The following KLHL32 variants were observed in gnomAD, a reference collection of about 807,000 sequenced individuals.
The protein encoded by KLHL32 is kelch-like protein 32.
In KLHL32, 35 loss-of-function variants were observed where a neutral mutation model predicts 64.8. The observed-to-expected ratio is 0.54, with a 90% CI of 0.41 to 0.72. KLHL32 has a LOEUF of 0.72. Ranked by LOEUF, KLHL32 falls within the 30% of genes least tolerant of loss-of-function variation. The pLI is 0.00. For missense variants in KLHL32, 589 were observed against 768.5 expected (o/e 0.77, Z 2.76); for synonymous variants, 259 against 281.0 (o/e 0.92, Z 0.78).
At chr6:96,929,297 T>C (rs764622223) in intron 1 of KLHL32, among the ~76,000 whole-genome samples, 2 of 152,218 alleles carry the variant, frequency 1.3e-5, no homozygotes, top group Non-Finnish European at 2.9e-5. Context: ...TCTTCACAGA[T>C]ATATTTGGCA....
chr6:97,085,017 T>C, intron 5 of KLHL32, 109 bp from the exon 6 acceptor site: 1 of 825,556 alleles, frequency 1.2e-6, no homozygotes, highest in East Asian at 2.6e-5. Flanking sequence ...CTCCCATTTC[T>C]CCCACCACTG....
At chr6:96,899,687 C>T in the KLHL32 span, among the ~76,000 whole-genome samples, 3 of 152,210 alleles carry the variant, frequency 2.0e-5, no homozygotes, top group African/African-American at 7.2e-5. Flanking sequence ...TCACAATTGG[C>T]TGTCACCCTT....
chr6:97,109,951 T>G (rs962038450), intron 6 of KLHL32, among the ~76,000 whole-genome samples: 1 of 152,234 alleles, frequency 6.6e-6, no homozygotes, highest in Non-Finnish European at 1.5e-5. Context: ...GAAATGACCT[T>G]GAGCTGGATG....
At chr6:97,018,161 T>C (rs1401158776) in intron 3 of KLHL32, among the ~76,000 whole-genome samples, 1 of 152,098 alleles carries the variant, frequency 6.6e-6, no homozygotes, top group Non-Finnish European at 1.5e-5. Context: ...CGAAACTTTT[T>C]TCAATGCTAC....
chr6:96,988,113 T>A (rs1328449866), intron 3 of KLHL32, among the ~76,000 whole-genome samples: 1 of 152,040 alleles, frequency 6.6e-6, no homozygotes, highest in Non-Finnish European at 1.5e-5. Context: ...GGGATCTAAT[T>A]AAACTAAAGA....
intron 5 of KLHL32, among the ~76,000 whole-genome samples, chr6:97,065,055 G>A (rs1383817422): frequency 2.6e-5 from 4 of 152,142 alleles, no homozygotes; most frequent in African/African-American, 9.7e-5. Context: ...CTAGTCCGAA[G>A]CAATATTGTC....
chr6:97,037,547 G>A (rs1038369297), intron 3 of KLHL32, among the ~76,000 whole-genome samples: 9 of 152,058 alleles, frequency 5.9e-5, no homozygotes, highest in Non-Finnish European at 1.3e-4. Flanking sequence ...CAAAAAAAGG[G>A]AAAGATACTC....
intron 6 of KLHL32, among the ~76,000 whole-genome samples, chr6:97,093,650 C>T (rs1318206735): frequency 6.6e-6 from 1 of 151,100 alleles, no homozygotes; most frequent in African/African-American, 2.5e-5. Context: ...AAAAATGTCT[C>T]CAATAAAGTC....
chr6:96,965,789 A>G (rs1055228831), intron 1 of KLHL32, among the ~76,000 whole-genome samples: 1 of 152,240 alleles, frequency 6.6e-6, no homozygotes, highest in African/African-American at 2.4e-5. Flanking sequence ...GAGCAATTAA[A>G]AAATGACACT....
intron 6 of KLHL32, among the ~76,000 whole-genome samples, chr6:97,095,956 A>G (rs1447586190): frequency 1.3e-5 from 2 of 152,184 alleles, no homozygotes; most frequent in African/African-American, 2.4e-5. Context: ...ATGTAGGTAG[A>G]ACGACATGAA....
chr6:97,010,243 G>GAAA (rs1780215053), intron 3 of KLHL32: 1 of 82,822 alleles, frequency 1.2e-5, no homozygotes. Context: ...TAGAAGCAAT[G>GAAA]GATCAGCAGA....
At chr6:97,134,800 C>T (rs1280203971) in intron 10 of KLHL32, among the ~76,000 whole-genome samples, 1 of 152,056 alleles carries the variant, frequency 6.6e-6, no homozygotes, top group Non-Finnish European at 1.5e-5. Flanking sequence ...ACATTTTTTC[C>T]ACATCTCATA....
intron 6 of KLHL32, among the ~76,000 whole-genome samples, chr6:97,112,949 T>C (rs2128209325): frequency 6.6e-6 from 1 of 151,762 alleles, no homozygotes; most frequent in African/African-American, 2.4e-5. Context: ...TAAGAAATTC[T>C]CTTTGCTCAT....
At chr6:96,923,861 C>T (rs1768848601), upstream of KLHL32, among the ~76,000 whole-genome samples, 2 of 152,298 alleles carry the variant, frequency 1.3e-5, no homozygotes, top group Non-Finnish European at 2.9e-5. Flanking sequence ...GGAATACTTA[C>T]CTATTAAAAT....
At chr6:97,093,930 A>G (rs1794611771) in intron 6 of KLHL32, among the ~76,000 whole-genome samples, 1 of 152,218 alleles carries the variant, frequency 6.6e-6, no homozygotes, top group Admixed American at 6.5e-5. Context: ...ACTGTGTGGG[A>G]AAAAGTCTGT....
intron 4 of KLHL32, among the ~76,000 whole-genome samples, chr6:97,041,939 T>C (rs1396211255): frequency 6.6e-6 from 1 of 152,190 alleles, no homozygotes; most frequent in Non-Finnish European, 1.5e-5. Context: ...ATCATGGCTT[T>C]ATTGCCTTAA....
chr6:97,019,582 G>T (rs1412563258), intron 3 of KLHL32, among the ~76,000 whole-genome samples: 1 of 152,184 alleles, frequency 6.6e-6, no homozygotes, highest in Non-Finnish European at 1.5e-5. Context: ...TCTGCCCACA[G>T]TTCTCTCAGC....
chr6:97,090,027 G>A (rs1195545606), intron 6 of KLHL32, among the ~76,000 whole-genome samples: 1 of 151,996 alleles, frequency 6.6e-6, no homozygotes, highest in Non-Finnish European at 1.5e-5. Context: ...GTGTGGCAAA[G>A]AGGGACCATG....
intron 6 of KLHL32, among the ~76,000 whole-genome samples, chr6:97,111,076 G>A (rs1797069877): frequency 1.3e-5 from 2 of 152,174 alleles, no homozygotes; most frequent in Admixed American, 6.5e-5. Flanking sequence ...CTGGGACTGG[G>A]TCCAGTCCAG....
Sources: allele counts gnomAD v4.1 joint callset (sites outside exome capture counted in the v4.1 genomes callset), GRCh38; gene constraint gnomAD v4.1.1; transcripts MANE v1.5; gene names NCBI Gene and HGNC (gene_info 2026-07-23, HGNC 2026-07-21).